KIF26B: variants seen among roughly 807,000 people sequenced by gnomAD.
KIF26B encodes the protein kinesin-like protein KIF26B.
KIF26B carries 63 observed loss-of-function variants against 151.2 expected under a neutral mutation model. That is an observed-to-expected ratio of 0.42 (90% confidence interval 0.34 to 0.51). KIF26B has a LOEUF of 0.51. KIF26B is among the 20% of genes least tolerant of loss of function. The pLI is 0.07. For missense variants in KIF26B, 2,813 were observed against 2,913.6 expected (o/e 0.97, Z 0.79); for synonymous variants, 1,357 against 1,262.1 (o/e 1.08, Z -1.59).
At chr1:245,490,373 G>A (rs1436013885) in intron 4 of KIF26B, among the ~76,000 whole-genome samples, 9 of 143,316 alleles carry the variant, frequency 6.3e-5, no homozygotes, top group African/African-American at 1.6e-4. Context: ...GTGCAGTGGC[G>A]CGATCTCGGC....
At position 245,564,764 on chromosome 1, in the gene KIF26B, G is replaced by A. The variant is rs2042992348; in HGVS notation, c.1350+23814G>A. The stretch of plus-strand genomic sequence containing the variant: ...GTTTTCCCACGGACCAAGGGTGGTG[G>A]TGGGGGATGATGATTTCAGGAAGAT... On this transcript the variant is annotated intron_variant, in intron 5 of 14. Coordinates refer to ENST00000407071, the MANE Select transcript of KIF26B (RefSeq NM_018012.4). This position sits in a 1 kb window ranked among gnomAD's most constrained non-coding sequence, Gnocchi z 4.6. Among the ~76,000 whole-genome samples the A allele has an allele frequency of 6.6e-6, 1 of 152,204 alleles. No individual in the cohort carries two copies. Among genetic ancestry groups the A allele is most frequent in the African/African-American group, 2.4e-5 (1 of 41,446 alleles).
At chr1:245,222,566 C>T (rs575878662) in intron 2 of KIF26B, among the ~76,000 whole-genome samples, 18 of 152,210 alleles carry the variant, frequency 1.2e-4, no homozygotes, top group Non-Finnish European at 2.6e-4. Context: ...CAAAATAGAG[C>T]AGCCTTATTA....
chr1:245,681,574 C>G (rs141614630), intron 10 of KIF26B, among the ~76,000 whole-genome samples: 1 of 152,218 alleles, frequency 6.6e-6, no homozygotes, highest in Admixed American at 6.5e-5. Context: ...GATGCGCCTT[C>G]GGCCCATCTG....
At chr1:245,165,653 C>T (rs1351123296) in intron 2 of KIF26B, among the ~76,000 whole-genome samples, 1 of 152,022 alleles carries the variant, frequency 6.6e-6, no homozygotes, top group Admixed American at 6.6e-5. Context: ...GACCAGTGGC[C>T]TGAGGAGCTA....
intron 2 of KIF26B, among the ~76,000 whole-genome samples, chr1:245,299,320 G>GTT (rs55957858): frequency 1.9e-3 from 196 of 103,072 alleles, no homozygotes; most frequent in African/African-American, 4.5e-3. Context: ...CCAATTCTGG[G>GTT]TTTTTTTTTT....
chr1:245,582,876 T>G (rs376247693), intron 5 of KIF26B, among the ~76,000 whole-genome samples: 3 of 152,104 alleles, frequency 2.0e-5, no homozygotes, highest in African/African-American at 7.2e-5. Context: ...CGTGCTGAAT[T>G]TAAACCAATG....
chr1:245,571,884 C>T (rs974253763), intron 5 of KIF26B, among the ~76,000 whole-genome samples: 4 of 152,152 alleles, frequency 2.6e-5, no homozygotes, highest in Admixed American at 6.5e-5. Flanking sequence ...TAAGAGCCAG[C>T]CTTTCAAAGA....
chr1:245,186,511 C>T (rs1025880317), intron 2 of KIF26B, among the ~76,000 whole-genome samples: 11 of 152,248 alleles, frequency 7.2e-5, no homozygotes, highest in Non-Finnish European at 1.3e-4. Flanking sequence ...TGAATTCTGT[C>T]GACAGTAGCT....
intron 2 of KIF26B, among the ~76,000 whole-genome samples, chr1:245,294,033 C>T (rs1179024296): frequency 6.6e-6 from 1 of 152,138 alleles, no homozygotes; most frequent in Non-Finnish European, 1.5e-5. Context: ...AGAAATAAGT[C>T]TGTTTGACTG....
intron 3 of KIF26B, among the ~76,000 whole-genome samples, chr1:245,387,328 C>T (rs989697423): frequency 6.6e-6 from 1 of 151,960 alleles, no homozygotes; most frequent in African/African-American, 2.4e-5. Context: ...CCCTACCTGG[C>T]AAATTTTTGT....
At position 245,686,909 on chromosome 1, in the gene KIF26B, C is replaced by G; in HGVS notation, c.3926C>G (p.Ala1309Gly). 1 of 1,613,340 alleles carries G rather than the reference C, an allele frequency of 6.2e-7. No homozygotes were observed. The highest frequency in any genetic ancestry group is 8.5e-7 in the Non-Finnish European group (1 of 1,179,758). The change falls in exon 12 of 15, where the codon GCA becomes GGA. Residue 1309 changes from alanine (A) to glycine (G), a missense_variant. Ala to Gly is a moderately conservative substitution (Grantham distance 60). This residue lies in a region of KIF26B where 2,060 missense variants were observed against 2,088.6 expected (regional missense o/e 0.99). Transcript: ENST00000407071. This position sits in a 1 kb window ranked among gnomAD's most constrained non-coding sequence, Gnocchi z 5.6. ...CAGACGTGTTTTGGGCACGGGGAGG[C>G]AATGGCAGAACCTGTGGCCTCGGAG... is the stretch of plus-strand genomic sequence containing the variant. Reference protein sequence around the residue: ...IAQTCFGHGEAMAEPVASEFV... With the variant: ...IAQTCFGHGEGMAEPVASEFV...
intron 10 of KIF26B, among the ~76,000 whole-genome samples, chr1:245,647,424 CAAAAAAAA>C (rs372008159): frequency 0.011 from 1,090 of 96,536 alleles, 9 homozygotes; most frequent in Non-Finnish European, 0.016. Context: ...GACTCCTTCT[CAAAAAAAA>C]AAAAAAAAAA....
At chr1:245,456,395 A>T (rs557653290) in intron 4 of KIF26B, among the ~76,000 whole-genome samples, 157 of 152,326 alleles carry the variant, frequency 1.0e-3, no homozygotes, top group African/African-American at 3.6e-3. Context: ...AGGTGTTTTG[A>T]TATTTTTAAG....
intron 2 of KIF26B, among the ~76,000 whole-genome samples, chr1:245,242,317 G>T (rs79052494): frequency 1.3e-5 from 2 of 152,098 alleles, no homozygotes; most frequent in African/African-American, 4.8e-5. Flanking sequence ...TTCAAATCTC[G>T]TTTTATTTTA....
chr1:245,404,691 C>A (rs1227575631), intron 3 of KIF26B, among the ~76,000 whole-genome samples: 1 of 152,102 alleles, frequency 6.6e-6, no homozygotes, highest in African/African-American at 2.4e-5. Context: ...GTTACAGCCA[C>A]AACAGGGGAA....
chr1:245,600,239 C>T (rs554486791), intron 5 of KIF26B, among the ~76,000 whole-genome samples: 24 of 123,822 alleles, frequency 1.9e-4, no homozygotes, highest in African/African-American at 6.9e-4. Context: ...GGGGTTTCAC[C>T]GTGTTAGCCA....
chr1:245,279,889 CT>C (rs1671008140), intron 2 of KIF26B, among the ~76,000 whole-genome samples: 1 of 151,914 alleles, frequency 6.6e-6, no homozygotes, highest in African/African-American at 2.4e-5. Context: ...GCTTGACTCC[CT>C]CGTAAATCTT....
intron 4 of KIF26B, among the ~76,000 whole-genome samples, chr1:245,539,873 G>A (rs945644620): frequency 1.5e-4 from 23 of 152,016 alleles, no homozygotes; most frequent in African/African-American, 3.9e-4. Context: ...GGCTGGTCTC[G>A]AACTCCTGAC....
At chr1:245,265,975 G>C (rs937874710) in intron 2 of KIF26B, among the ~76,000 whole-genome samples, 1 of 152,064 alleles carries the variant, frequency 6.6e-6, no homozygotes, top group Non-Finnish European at 1.5e-5. Context: ...AAATTTGACT[G>C]TATTAAACAA....
Sources: allele counts gnomAD v4.1 joint callset (sites outside exome capture counted in the v4.1 genomes callset), GRCh38; gene constraint gnomAD v4.1.1; regional missense constraint gnomAD v4.1.1; non-coding constraint Gnocchi (gnomAD v3.1); transcripts MANE v1.5; gene names NCBI Gene and HGNC (gene_info 2026-07-23, HGNC 2026-07-21).